The following RUVBL1 variants were observed in gnomAD, a reference collection of about 807,000 sequenced individuals.
RUVBL1 encodes the protein ruvB-like 1.
Under a neutral mutation model 52.4 loss-of-function variants are expected in RUVBL1, and 4 were observed. That is an observed-to-expected ratio of 0.08 (90% CI 0.04 to 0.17). The LOEUF (loss-of-function observed/expected upper bound fraction) is 0.17, where lower values mean the gene tolerates loss of function less well. RUVBL1 is among the 10% of genes least tolerant of loss of function. The pLI, the probability that RUVBL1 is intolerant of heterozygous loss-of-function variation, is 1.00. For synonymous variants in RUVBL1, 217 were observed against 214.4 expected, an observed-to-expected ratio of 1.01 and a Z score of -0.10; for missense variants, 298 against 572.8, an observed-to-expected ratio of 0.52 and a Z score of 4.90.
At chr3:128,153,677 C>A in exon 1 of RUVBL1, 1 of 1,595,334 alleles carries the variant, frequency 6.3e-7, no homozygotes. Context: ...TCGTGCTTCT[C>A]GGTGCCGCTG....
chr3:128,120,588 A>T (rs1943621154), intron 1 of RUVBL1, among the ~76,000 whole-genome samples: 1 of 152,194 alleles, frequency 6.6e-6, no homozygotes, highest in Non-Finnish European at 1.5e-5. Flanking sequence ...TGCTACACTG[A>T]TTTAATAACT....
intron 1 of RUVBL1, 29 bp downstream of exon 1, chr3:128,123,555 C>G (rs754879836): frequency 3.2e-6 from 5 of 1,555,848 alleles, no homozygotes; most frequent in South Asian, 1.1e-5. Flanking sequence ...CTGCTTGCAG[C>G]CCCCAACTCC....
rs1427134841 is a variant in RUVBL1, at chr3:128,067,207, A to C, written c.940-1987T>G. On this transcript the variant is annotated intron_variant, in intron 9 of 9. Transcript: ENST00000464873. This position sits in a 1 kb window ranked among gnomAD's most constrained non-coding sequence, Gnocchi z 4.1. ...ATGCAGCTAAGTTGCAGTGGTTTCT[A>C]TCAGTGTCTTGCTCATGAACAGATA... is the stretch of plus-strand genomic sequence containing the variant. 6.6e-7 allele frequency: 1 copy of C among 1,513,516 alleles called. No homozygotes were observed. The highest frequency in any genetic ancestry group is 9.2e-7 in the Non-Finnish European group (1 of 1,089,090). 93.8% of individuals were successfully genotyped at this position (1,513,516 alleles called of 1,614,324 possible).
At chr3:128,151,362 G>A (rs1944209117) in intron 1 of RUVBL1, among the ~76,000 whole-genome samples, 1 of 150,276 alleles carries the variant, frequency 6.7e-6, no homozygotes, top group African/African-American at 2.5e-5. Context: ...ACCGTGCCCA[G>A]CCAAACCTTT....
At chr3:128,102,973 C>A (rs1178062183) in intron 4 of RUVBL1, among the ~76,000 whole-genome samples, 2 of 152,164 alleles carry the variant, frequency 1.3e-5, no homozygotes, top group African/African-American at 4.8e-5. Context: ...GTGAGGCCCC[C>A]AGGTAAGGCC....
chr3:128,068,248 CACTT>C (rs1370669654), intron 9 of RUVBL1, among the ~76,000 whole-genome samples: 11 of 152,232 alleles, frequency 7.2e-5, no homozygotes, highest in Admixed American at 5.2e-4. Flanking sequence ...TAAAAATAAA[CACTT>C]ACAGCCCCTT....
intron 1 of RUVBL1, among the ~76,000 whole-genome samples, chr3:128,147,399 A>G (rs1944121770): frequency 6.6e-6 from 1 of 152,150 alleles, no homozygotes; most frequent in African/African-American, 2.4e-5. Flanking sequence ...ACAAAACAAA[A>G]CAGCCTAGGT....
At chr3:128,123,969 C>G, upstream of RUVBL1, 2 of 1,203,480 alleles carry the variant, frequency 1.7e-6, no homozygotes, top group Non-Finnish European at 2.1e-6. Context: ...TCCCCCGTAG[C>G]CGGCGCTTCC....
intron 8 of RUVBL1, among the ~76,000 whole-genome samples, chr3:128,096,898 G>A (rs540516706): frequency 6.6e-6 from 1 of 152,208 alleles, no homozygotes; most frequent in African/African-American, 2.4e-5. Context: ...TCTTTACGAT[G>A]AGGGACAAGT....
At chr3:128,100,309 G>C (rs545238020) in intron 6 of RUVBL1, among the ~76,000 whole-genome samples, 1 of 152,212 alleles carries the variant, frequency 6.6e-6, no homozygotes, top group African/African-American at 2.4e-5. Context: ...AATCCCAGGT[G>C]TGAGCCCACT....
rs752723792 is a variant in RUVBL1, at chr3:128,123,671, G to C, written c.54C>G (p.His18Gln). ...CCAGCCCCAGCCCTTTCACGTGGCTGTGGGAGGCGATGCGCTGCGTCTTCG... is the reference window on the plus strand; with the variant it reads ...CCAGCCCCAGCCCTTTCACGTGGCTCTGGGAGGCGATGCGCTGCGTCTTCG... ...STTKTQRIASHSHVKGLGLDE... is the reference protein window; with the variant it reads ...STTKTQRIASQSHVKGLGLDE... Residue 18 changes from histidine to glutamine, a missense_variant, in exon 1 of 11, where the codon CAC (histidine) becomes CAG (glutamine). This residue lies in a region of RUVBL1 where 71 missense variants were observed against 125.7 expected (regional missense o/e 0.57). Transcript: ENST00000322623. 9 of 1,612,174 alleles carry C rather than the reference G, an allele frequency of 5.6e-6. No individual in the cohort carries two copies.
chr3:128,067,974 A>C lies in RUVBL1; in HGVS notation c.940-2754T>G. The C allele has an allele frequency of 6.2e-7, 1 of 1,613,080 alleles. No individual in the cohort carries two copies. Among genetic ancestry groups the C allele is most frequent in the Non-Finnish European group, 8.5e-7 (1 of 1,179,282 alleles). ...CAATTCCAACTTCTCCCCTGTGGGCACCCTGCAGGTTGCAAAGCAGCTGAA... is the reference window on the plus strand; with the variant it reads ...CAATTCCAACTTCTCCCCTGTGGGCCCCCTGCAGGTTGCAAAGCAGCTGAA... On this transcript the variant is annotated intron_variant, in intron 9 of 9. Transcript: ENST00000464873. The surrounding 1 kb of genome is among the most constrained non-coding windows in gnomAD (Gnocchi z 4.1).
At chr3:128,143,945 T>C (rs1231443621) in intron 1 of RUVBL1, among the ~76,000 whole-genome samples, 1 of 152,202 alleles carries the variant, frequency 6.6e-6, no homozygotes, top group Non-Finnish European at 1.5e-5. Flanking sequence ...AACACTGTGA[T>C]GCCCATTTTG....
intron 2 of RUVBL1, among the ~76,000 whole-genome samples, chr3:128,114,537 T>A (rs1323167435): frequency 6.6e-6 from 1 of 152,096 alleles, no homozygotes; most frequent in Non-Finnish European, 1.5e-5. Flanking sequence ...AGATCACAAG[T>A]GGCAAACTCG....
intron 1 of RUVBL1, among the ~76,000 whole-genome samples, chr3:128,130,219 TTACTA>T (rs1209306458): frequency 3.4e-5 from 5 of 148,086 alleles, no homozygotes; most frequent in South Asian, 2.1e-4. Flanking sequence ...ACATTACTAT[TTACTA>T]TACAGAAATA....
intron 1 of RUVBL1, among the ~76,000 whole-genome samples, chr3:128,141,354 G>A (rs896823329): frequency 6.6e-6 from 1 of 152,164 alleles, no homozygotes; most frequent in East Asian, 1.9e-4. Context: ...ATTCCCCTCT[G>A]CTGTAAAACA....
upstream of RUVBL1, among the ~76,000 whole-genome samples, chr3:128,125,105 C>G (rs996647592): frequency 6.7e-6 from 1 of 149,970 alleles, no homozygotes; most frequent in Non-Finnish European, 1.5e-5. Context: ...AGCTCCGCCT[C>G]CCGGGTTCAC....
chr3:128,150,918 T>TATAA lies in RUVBL1; in HGVS notation c.-40+2284_-40+2285insTTAT, dbSNP rs1302526634. Among the ~76,000 whole-genome samples the TATAA allele has an allele frequency of 1.6e-3, 133 of 83,304 alleles. 2 individuals are homozygous for TATAA. The highest frequency in any genetic ancestry group is 6.0e-3 in the African/African-American group (124 of 20,768). The allele number at this position is 83,304 out of a possible 152,430, so 54.7% of individuals were successfully genotyped here. The stretch of plus-strand genomic sequence containing the variant: ...TATATATATAATATAATATTCTATA[T>TATAA]TATATATATAATATATTCTATATAT... On this transcript the variant is annotated intron_variant, in intron 1 of 9. Coordinates refer to the RUVBL1 transcript ENST00000464873.
intron 4 of RUVBL1, among the ~76,000 whole-genome samples, chr3:128,102,305 T>C (rs1025609712): frequency 6.6e-6 from 1 of 152,238 alleles, no homozygotes. Flanking sequence ...GCCTTTTGAC[T>C]CACATCCCAG....
Sources: allele counts gnomAD v4.1 joint callset (sites outside exome capture counted in the v4.1 genomes callset), GRCh38; gene constraint gnomAD v4.1.1; regional missense constraint gnomAD v4.1.1; non-coding constraint Gnocchi (gnomAD v3.1); transcripts MANE v1.5; gene names NCBI Gene and HGNC (gene_info 2026-07-23, HGNC 2026-07-21).